The following ARID1B variants were observed in gnomAD, a reference collection of about 807,000 sequenced individuals.
The protein encoded by ARID1B is AT-rich interactive domain-containing protein 1B.
Under a neutral mutation model 212.3 loss-of-function variants are expected in ARID1B, and 30 were observed. The ratio of observed to expected loss-of-function variants is 0.14; its 90% confidence interval spans 0.11 to 0.19. ARID1B has a LOEUF of 0.19. ARID1B is among the 10% of genes least tolerant of loss of function. ARID1B has a pLI of 1.00. For missense variants in ARID1B, 2,891 were observed against 3,204.0 expected (o/e 0.90, Z 2.36); for synonymous variants, 1,402 against 1,301.7 (o/e 1.08, Z -1.66).
intron 3 of ARID1B, among the ~76,000 whole-genome samples, chr6:156,919,252 AT>A (rs1177461492): frequency 2.0e-5 from 3 of 152,142 alleles, no homozygotes; most frequent in African/African-American, 7.2e-5. Context: ...GTATCGAAGC[AT>A]TTTTGGCTTT....
chr6:157,054,901 T>C (rs11960966), intron 4 of ARID1B, among the ~76,000 whole-genome samples: 1,769 of 152,358 alleles, frequency 0.012, 31 homozygotes, highest in African/African-American at 0.041. Context: ...AGCGTTTCAC[T>C]AGCTCACTCA....
intron 4 of ARID1B, among the ~76,000 whole-genome samples, chr6:157,034,127 A>G (rs1166825797): frequency 1.3e-5 from 2 of 152,220 alleles, no homozygotes; most frequent in African/African-American, 4.8e-5. Flanking sequence ...AAATAACACA[A>G]TGAATAATCT....
At chr6:156,880,303 A>T (rs971968806) in intron 2 of ARID1B, among the ~76,000 whole-genome samples, 1 of 152,250 alleles carries the variant, frequency 6.6e-6, no homozygotes, top group Admixed American at 6.5e-5. Context: ...ATGTTTCATG[A>T]TTGTGTTAGA....
chr6:156,778,244 ACTACAG>A lies in ARID1B; in HGVS notation c.566_571del (p.Leu189_Gln190del). The A allele has an allele frequency of 6.5e-7, 1 of 1,540,438 alleles. No individual in the cohort carries two copies. Among genetic ancestry groups the A allele is most frequent in the African/African-American group, 1.4e-5 (1 of 72,772 alleles). ...CCCACCACCTCCACCACCACCACGC[ACTACAG>A]CAGCAGCTAAACCAGTTCCAGCAGC... On this transcript the variant is annotated inframe_deletion, in exon 1 of 20. Transcript: ENST00000636930.
At chr6:157,057,844 C>T (rs1298422423) in intron 4 of ARID1B, among the ~76,000 whole-genome samples, 1 of 152,090 alleles carries the variant, frequency 6.6e-6, no homozygotes, top group East Asian at 1.9e-4. Context: ...GGATTAATTT[C>T]AGATAGGGTT....
Position 157,201,800 on chromosome 6 carries a change from G to A in ARID1B, c.5263+312G>A, listed in dbSNP as rs1342030147. ...GATAACACGGTGAAATAAAATGGTA[G>A]TTTTACGTGTGAATGTTATTTGTGT... On this transcript the variant is annotated intron_variant, in intron 18 of 19. Transcript: ENST00000636930. This position sits in a 1 kb window ranked among gnomAD's most constrained non-coding sequence, Gnocchi z 5.2. 2.0e-5 allele frequency among the ~76,000 whole-genome samples: 3 copies of A among 152,192 alleles called. No individual in the cohort carries two copies. In the East Asian group the frequency reaches 5.8e-4, roughly 29 times the overall value.
chr6:156,815,622 T>A (rs981229997), intron 1 of ARID1B, among the ~76,000 whole-genome samples: 1 of 152,214 alleles, frequency 6.6e-6, no homozygotes, highest in Admixed American at 6.5e-5. Context: ...AATGAAATGC[T>A]GATTATACAA....
intron 7 of ARID1B, among the ~76,000 whole-genome samples, chr6:157,134,197 C>CA (rs943499211): frequency 6.6e-6 from 1 of 152,134 alleles, no homozygotes; most frequent in Non-Finnish European, 1.5e-5. Context: ...AGAGGCCAGG[C>CA]AAATAGAAGG....
At chr6:157,184,997 A>C in intron 13 of ARID1B, 1 of 159,260 alleles carries the variant, frequency 6.3e-6, no homozygotes. Flanking sequence ...TGTTTTGGAA[A>C]CAGGTGGTCT....
Position 157,190,121 on chromosome 6 carries a change from C to A in ARID1B, c.4142C>A (p.Ala1381Asp). Residue 1381 changes from alanine (A) to aspartate (D), a missense_variant, in exon 15 of 20, where the codon GCC becomes GAC. Around this residue, in one of 7 missense-constraint regions of ARID1B, gnomAD observed 666 missense variants for 873.5 expected, o/e 0.76. Coordinates refer to ENST00000636930, the MANE Select transcript of ARID1B (RefSeq NM_001374828.1). This position sits in a 1 kb window ranked among gnomAD's most constrained non-coding sequence, Gnocchi z 4.6. ...FPKRNSMTPN[A>D]PYQQGMSMPD... is the part of the protein sequence containing the mutation. The stretch of plus-strand genomic sequence containing the variant: ...AAACGGAACTCCATGACTCCAAACG[C>A]CCCCTACCAGCAGGGCATGAGCATG... 2 of 1,614,192 alleles carry A rather than the reference C, an allele frequency of 1.2e-6. No homozygotes were observed. The highest frequency in any genetic ancestry group is 8.5e-7 in the Non-Finnish European group (1 of 1,180,038).
intron 4 of ARID1B, among the ~76,000 whole-genome samples, chr6:156,963,299 A>T (rs895304924): frequency 6.6e-6 from 1 of 152,226 alleles, no homozygotes; most frequent in Non-Finnish European, 1.5e-5. Flanking sequence ...TCTACTGGTT[A>T]TCCTAATCAC....
chr6:156,997,271 A>C (rs1348282121), intron 4 of ARID1B, among the ~76,000 whole-genome samples: 2 of 152,212 alleles, frequency 1.3e-5, no homozygotes, highest in African/African-American at 4.8e-5. Flanking sequence ...TGAAGAAACC[A>C]TAGAAGTTTG....
chr6:156,778,225 A>G lies in ARID1B; in HGVS notation c.545A>G (p.His182Arg), dbSNP rs1188660877. ...HAHHHHHHAH[H>R]LHHHHALQQQ... ...CACCACCACCACCACCATGCCCACCACCTCCACCACCACCACGCACTACAG... is the reference window on the plus strand; with the variant it reads ...CACCACCACCACCACCATGCCCACCGCCTCCACCACCACCACGCACTACAG... Residue 182 changes from histidine to arginine, a missense_variant, in exon 1 of 20, where the codon CAC becomes CGC. Physicochemically the swap from His to Arg is conservative, Grantham distance 29 (BLOSUM62 0). Around this residue, in one of 7 missense-constraint regions of ARID1B, gnomAD observed 1,643 missense variants for 1,544.0 expected, o/e 1.06. Transcript: ENST00000636930. The G allele has an allele frequency of 6.5e-6, 10 of 1,538,060 alleles. No individual in the cohort carries two copies. Among genetic ancestry groups the G allele is most frequent in the Middle Eastern group, 1.8e-4 (1 of 5,536 alleles).
chr6:157,120,057 G>A (rs1393087396), intron 6 of ARID1B, among the ~76,000 whole-genome samples: 1 of 152,210 alleles, frequency 6.6e-6, no homozygotes. Context: ...TGTAAGATCA[G>A]GTTCAGATAC....
intron 1 of ARID1B, among the ~76,000 whole-genome samples, chr6:156,801,784 A>G (rs1220067952): frequency 6.6e-6 from 1 of 152,096 alleles, no homozygotes; most frequent in Non-Finnish European, 1.5e-5. Flanking sequence ...AATAAATGTA[A>G]GTTTAGTTAG....
intron 1 of ARID1B, among the ~76,000 whole-genome samples, chr6:156,825,281 A>G (rs1755684611): frequency 1.3e-5 from 2 of 152,232 alleles, no homozygotes; most frequent in African/African-American, 2.4e-5. Context: ...CTGTGGATGA[A>G]TATTTAATAA....
intron 4 of ARID1B, among the ~76,000 whole-genome samples, chr6:157,060,630 CTTTTTTT>C (rs56870548): frequency 1.4e-5 from 1 of 72,044 alleles, no homozygotes; most frequent in Non-Finnish European, 2.4e-5. Flanking sequence ...AAAATCTGAA[CTTTTTTT>C]TTTTTTTTTT....
chr6:156,827,284 G>C (rs748541320), intron 1 of ARID1B, among the ~76,000 whole-genome samples: 1 of 152,194 alleles, frequency 6.6e-6, no homozygotes, highest in Non-Finnish European at 1.5e-5. Flanking sequence ...GGGATATGGT[G>C]ATTGGCTTCT....
intron 4 of ARID1B, among the ~76,000 whole-genome samples, chr6:157,010,278 G>GTTTTTTTTTTT (rs367851681): frequency 6.8e-5 from 7 of 102,290 alleles, no homozygotes; most frequent in African/African-American, 1.6e-4. Context: ...TGCATTGCCT[G>GTTTTTTTTTTT]TTTTTTTTTT....
Sources: gnomAD v4.1 joint callset for allele counts (sites outside exome capture counted in the v4.1 genomes callset) on GRCh38, gnomAD v4.1.1 for gene constraint, gnomAD v4.1.1 regional missense constraint, Gnocchi (gnomAD v3.1) non-coding constraint, MANE v1.5 for transcripts, NCBI Gene and HGNC (gene_info 2026-07-23, HGNC 2026-07-21) for gene names.